The following FAT1 variants were observed in gnomAD, a reference collection of about 807,000 sequenced individuals.
FAT1 encodes the protein FAT atypical cadherin 1.
A neutral mutation model predicts 329.8 loss-of-function variants in FAT1; 171 were observed. The ratio of observed to expected loss-of-function variants is 0.52; its 90% confidence interval spans 0.46 to 0.59. FAT1 has a LOEUF of 0.59. Among genes scored for constraint, FAT1 ranks in the 20% least tolerant of loss-of-function variants. The pLI is 0.00. For synonymous variants in FAT1, 2,233 were observed against 2,228.6 expected, an observed-to-expected ratio of 1.00 and a Z score of -0.06; for missense variants, 5,672 against 5,774.4, an observed-to-expected ratio of 0.98 and a Z score of 0.57.
At chr4:186,606,536 T>C (rs1387263678) in intron 16 of FAT1, among the ~76,000 whole-genome samples, 1 of 152,132 alleles carries the variant, frequency 6.6e-6, no homozygotes, top group African/African-American at 2.4e-5. Flanking sequence ...GGACAAGAAG[T>C]TAACATATCT....
intron 2 of FAT1, among the ~76,000 whole-genome samples, chr4:186,698,879 C>A (rs1744164302): frequency 6.6e-6 from 1 of 152,208 alleles, no homozygotes; most frequent in Admixed American, 6.5e-5. Flanking sequence ...CCTCCTAACG[C>A]ATCACACCAT....
chr4:186,701,494 C>G (rs1317079175), intron 2 of FAT1, among the ~76,000 whole-genome samples: 1 of 152,128 alleles, frequency 6.6e-6, no homozygotes, highest in African/African-American at 2.4e-5. Context: ...GCCCTTTCAC[C>G]AGCACATTTT....
Position 186,620,351 on chromosome 4 carries a change from G to A in FAT1, c.6235C>T (p.Pro2079Ser), listed in dbSNP as rs1268945063. 6.2e-7 allele frequency: 1 copy of A among 1,613,840 alleles called. No homozygotes were observed. The highest frequency in any genetic ancestry group is 8.5e-7 in the Non-Finnish European group (1 of 1,179,886). The change falls in exon 10 of 27, where the codon CCG becomes TCG. Residue 2079 changes from proline to serine, a missense_variant. This residue lies in a region of FAT1 where 3,966 missense variants were observed against 3,915.2 expected (regional missense o/e 1.01). Coordinates refer to ENST00000441802, the MANE Select transcript of FAT1 (RefSeq NM_005245.4). Reference protein sequence around the residue: ...VIVEDQNDNAPVFVNLPYYAV... With the variant: ...VIVEDQNDNASVFVNLPYYAV... Reference sequence around the variant, plus strand: ...TAGTAGGGAAGGTTGACAAACACCGGCGCATTATCATTTTGGTCTTCTACA... The same window carrying A: ...TAGTAGGGAAGGTTGACAAACACCGACGCATTATCATTTTGGTCTTCTACA...
chr4:186,691,730 C>T (rs1743771472), intron 2 of FAT1, among the ~76,000 whole-genome samples: 1 of 152,078 alleles, frequency 6.6e-6, no homozygotes, highest in Admixed American at 6.5e-5. Context: ...ATTGCTTGAG[C>T]CCCGGAGTTC....
chr4:186,721,691 T>A (rs1745475737), intron 1 of FAT1, among the ~76,000 whole-genome samples: 1 of 152,166 alleles, frequency 6.6e-6, no homozygotes, highest in Non-Finnish European at 1.5e-5. Flanking sequence ...GCGGGTAAAG[T>A]GTTAAAACAT....
Position 186,649,331 on chromosome 4 carries a change from C to G in FAT1, c.3581-9548G>C, listed in dbSNP as rs150125532. Among the ~76,000 whole-genome samples the G allele has an allele frequency of 2.8e-3, 428 of 152,208 alleles. 3 individuals are homozygous for G. The highest frequency in any genetic ancestry group is 9.7e-3 in the African/African-American group (403 of 41,510). On this transcript the variant is annotated intron_variant, in intron 3 of 26. Transcript: ENST00000441802. ...AATGGCTATATACATTTCCATTGAA[C>G]AGCATATTTTCCGTCTTCTTGGAAA...
Position 186,707,820 on chromosome 4 carries a change from C to G in FAT1, c.2008G>C (p.Val670Leu), listed in dbSNP as rs1203861781. ...CCAGTCTCTTCACACTGCAAGTTTA[C>G]CAGCTTGTGACTGGCAGCCACTGTT... is the stretch of plus-strand genomic sequence containing the variant. ...NITVAASHKL[V>L]NLQCEETGVA... Residue 670 changes from valine to leucine, a missense_variant, in exon 2 of 27, where the codon GTA (valine) becomes CTA (leucine). Transcript: ENST00000441802. 1 of 1,613,690 alleles carries G rather than the reference C, an allele frequency of 6.2e-7. No homozygotes were observed. Among genetic ancestry groups the G allele is most frequent in the African/African-American group, 1.3e-5 (1 of 75,048 alleles).
chr4:186,648,979 A>G (rs1282231678), intron 3 of FAT1, among the ~76,000 whole-genome samples: 1 of 152,196 alleles, frequency 6.6e-6, no homozygotes, highest in Admixed American at 6.5e-5. Flanking sequence ...GGAACAAAGC[A>G]TATTATCTAT....
chr4:186,636,467 C>G, intron 5 of FAT1, 118 bp downstream of exon 5: 3 of 1,104,622 alleles, frequency 2.7e-6, no homozygotes, highest in South Asian at 3.1e-5. Context: ...ATGGGGCCAG[C>G]AGGTCACAAA....
rs11728472 is a variant in FAT1, at chr4:186,645,966, T to A, written c.3581-6183A>T. ...CTCACAAAAAAAAAAAAAAAAAATA[T>A]ATACACACACACACACACACACACA... On this transcript the variant is annotated intron_variant, in intron 3 of 26. Coordinates refer to ENST00000441802, the MANE Select transcript of FAT1 (RefSeq NM_005245.4). Among the ~76,000 whole-genome samples the A allele has an allele frequency of 2.4e-3, 191 of 80,434 alleles. 3 individuals carry two copies. Among genetic ancestry groups the A allele is most frequent in the African/African-American group, 9.8e-3 (171 of 17,490 alleles). 52.8% of individuals were successfully genotyped at this position (80,434 alleles called of 152,430 possible). A position where few individuals can be genotyped will look rare whatever the true frequency, so the allele number is the denominator to read the frequency against.
intron 2 of FAT1, among the ~76,000 whole-genome samples, chr4:186,681,309 C>T (rs1446306149): frequency 1.3e-5 from 2 of 152,074 alleles, no homozygotes; most frequent in Admixed American, 6.6e-5. Flanking sequence ...ATAAGAATTA[C>T]TATAAAAATA....
In FAT1 at chr4:186,596,387, G is replaced by A. The variant is rs957287508; in HGVS notation, c.13000+153C>T. Among the ~76,000 whole-genome samples the A allele has an allele frequency of 3.3e-5, 5 of 152,052 alleles. No individual in the cohort carries two copies. Among genetic ancestry groups the A allele is most frequent in the African/African-American group, 4.8e-5 (2 of 41,392 alleles). On this transcript the variant is annotated intron_variant, in intron 25 of 26. Coordinates refer to ENST00000441802, the MANE Select transcript of FAT1 (RefSeq NM_005245.4). The surrounding 1 kb of genome is among the most constrained non-coding windows in gnomAD (Gnocchi z 4.7). ...AAGCCACAATGCTAACCCAGCAATC[G>A]GGACATCCAAAAAAGTTTCAAATCA...
chr4:186,716,634 T>C (rs1745220629), intron 1 of FAT1, among the ~76,000 whole-genome samples: 1 of 152,160 alleles, frequency 6.6e-6, no homozygotes, highest in African/African-American at 2.4e-5. Context: ...CCCAGGCTGG[T>C]CTCGAACTCC....
At position 186,692,971 on chromosome 4, in the gene FAT1, T is replaced by C. The variant is rs146822056; in HGVS notation, c.3265+13592A>G. On this transcript the variant is annotated intron_variant, in intron 2 of 26. Coordinates refer to ENST00000441802, the MANE Select transcript of FAT1 (RefSeq NM_005245.4). ...TCCAATTCCTTTGGGGGTAAGAAAC[T>C]TCAGAGATCTTTGTGATAGAAAATG... Among the ~76,000 whole-genome samples, 8 of 152,292 alleles carry C rather than the reference T, an allele frequency of 5.3e-5. No homozygotes were observed. In the East Asian group the frequency reaches 1.5e-3, roughly 29 times the overall value.
intron 9 of FAT1, among the ~76,000 whole-genome samples, chr4:186,625,337 T>G (rs2126535149): frequency 6.6e-6 from 1 of 152,336 alleles, no homozygotes; most frequent in Middle Eastern, 3.4e-3. Flanking sequence ...ACACTACATT[T>G]TAACACTGCA....
At chr4:186,626,917 T>C (rs112604160) in intron 9 of FAT1, among the ~76,000 whole-genome samples, 7 of 31,708 alleles carry the variant, frequency 2.2e-4, no homozygotes, top group East Asian at 1.6e-3. Flanking sequence ...GCACATAAAG[T>C]GAGCTTCACC....
rs1054320412 is a variant in FAT1 at position 186,637,033 on chromosome 4, C to A, written c.3643-119G>T. ...CTCTGCATTTTGCAGGGCACGATGA[C>A]AACATACACAGCAGATCTTCATTCC... is the stretch of plus-strand genomic sequence containing the variant. On this transcript the variant is annotated intron_variant, in intron 4 of 26. Coordinates refer to ENST00000441802, the MANE Select transcript of FAT1 (RefSeq NM_005245.4). 5 of 854,980 alleles carry A rather than the reference C, an allele frequency of 5.8e-6. No individual in the cohort carries two copies. In the African/African-American group the frequency reaches 6.8e-5, roughly 12 times the overall value. 53.0% of individuals were successfully genotyped at this position (854,980 alleles called of 1,614,324 possible).
At chr4:186,604,667 A>G (rs1739007447) in intron 17 of FAT1, 93 bp from the exon 18 acceptor site, 2 of 776,754 alleles carry the variant, frequency 2.6e-6, no homozygotes, top group Non-Finnish European at 4.0e-6. Context: ...AATATAAAAT[A>G]CATACAAAAC....
At chr4:186,687,522 T>C (rs1375971201) in intron 2 of FAT1, among the ~76,000 whole-genome samples, 4 of 152,184 alleles carry the variant, frequency 2.6e-5, no homozygotes, top group Non-Finnish European at 5.9e-5. Context: ...AAATTGAGTA[T>C]TACTATACAA....
Sources: gnomAD v4.1 joint callset for allele counts (sites outside exome capture counted in the v4.1 genomes callset) on GRCh38, gnomAD v4.1.1 for gene constraint, gnomAD v4.1.1 regional missense constraint, Gnocchi (gnomAD v3.1) non-coding constraint, MANE v1.5 for transcripts, NCBI Gene and HGNC (gene_info 2026-07-23, HGNC 2026-07-21) for gene names.